The following SLC5A4 variants were observed in gnomAD, a reference collection of about 807,000 sequenced individuals.
The protein encoded by SLC5A4 is probable glucose sensor protein SLC5A4.
A neutral mutation model predicts 70.3 loss-of-function variants in SLC5A4; 55 were observed. That is an observed-to-expected ratio of 0.78 (90% confidence interval 0.63 to 0.98). The LOEUF (loss-of-function observed/expected upper bound fraction) is 0.98, where lower values mean the gene tolerates loss of function less well. Ranked by LOEUF, SLC5A4 falls within the 50% of genes least tolerant of loss-of-function variation. The probability of loss-of-function intolerance (pLI) is 0.00; values close to 1 mark genes in which losing one functional copy is unlikely to be tolerated. For synonymous variants in SLC5A4, 268 were observed against 305.7 expected, an observed-to-expected ratio of 0.88 and a Z score of 1.29; for missense variants, 735 against 839.2, an observed-to-expected ratio of 0.88 and a Z score of 1.53.
At chr22:32,350,149 G>C in the SLC5A4 span, among the ~76,000 whole-genome samples, 1 of 152,108 alleles carries the variant, frequency 6.6e-6, no homozygotes, top group African/African-American at 2.4e-5. Context: ...AGGACTCCCA[G>C]GCTGCCAGAA....
chr22:32,334,933 TAGG>T, the SLC5A4 span, among the ~76,000 whole-genome samples: 2 of 152,080 alleles, frequency 1.3e-5, no homozygotes, highest in Admixed American at 6.5e-5. Context: ...TCCACACTTG[TAGG>T]AGGAGCTGGG....
intron 2 of SLC5A4, among the ~76,000 whole-genome samples, chr22:32,252,623 C>T (rs1252586633): frequency 2.0e-5 from 3 of 152,114 alleles, no homozygotes; most frequent in East Asian, 1.9e-4. Context: ...CAGAAAAGCT[C>T]GTTGGCCCCT....
At chr22:32,301,450 GTATTT>G in the SLC5A4 span, among the ~76,000 whole-genome samples, 12 of 152,104 alleles carry the variant, frequency 7.9e-5, no homozygotes, top group Non-Finnish European at 1.2e-4. Flanking sequence ...TTTGCTGTCT[GTATTT>G]AACAAAACAG....
chr22:32,337,726 G>A, the SLC5A4 span, among the ~76,000 whole-genome samples: 1 of 152,140 alleles, frequency 6.6e-6, no homozygotes, highest in African/African-American at 2.4e-5. Context: ...AGCACGTGCT[G>A]TCAATTTCCC....
chr22:32,278,597 C>G, the SLC5A4 span, among the ~76,000 whole-genome samples: 1 of 152,068 alleles, frequency 6.6e-6, no homozygotes, highest in East Asian at 1.9e-4. Context: ...TGAAGTTTCT[C>G]TAAATCAAAC....
At chr22:32,306,920 T>TC in the SLC5A4 span, among the ~76,000 whole-genome samples, 1 of 151,918 alleles carries the variant, frequency 6.6e-6, no homozygotes, top group East Asian at 1.9e-4. Flanking sequence ...CGCTCTCTCT[T>TC]GGGCCACCAG....
chr22:32,254,674 CAT>C (rs1488062173), intron 1 of SLC5A4, among the ~76,000 whole-genome samples: 27 of 151,992 alleles, frequency 1.8e-4, no homozygotes, highest in African/African-American at 6.5e-4. Flanking sequence ...CGTGGTGGCG[CAT>C]GCCTGTAGTC....
chr22:32,220,523 G>A (rs947662639), intron 14 of SLC5A4, among the ~76,000 whole-genome samples: 15 of 152,162 alleles, frequency 9.9e-5, no homozygotes, highest in African/African-American at 2.4e-4. Context: ...GGAGCTTGGC[G>A]CATGTGGAAA....
At chr22:32,302,257 T>TGTG in the SLC5A4 span, among the ~76,000 whole-genome samples, 2 of 112,590 alleles carry the variant, frequency 1.8e-5, no homozygotes, top group African/African-American at 3.2e-5. Context: ...AGTGTTTTTT[T>TGTG]TTTTTGTGTC....
the SLC5A4 span, among the ~76,000 whole-genome samples, chr22:32,305,385 C>G: frequency 1.3e-5 from 2 of 149,784 alleles, no homozygotes; most frequent in African/African-American, 4.9e-5. Flanking sequence ...ACCTGCTGAT[C>G]TCTGATTGTG....
the SLC5A4 span, among the ~76,000 whole-genome samples, chr22:32,335,466 AGAG>A: frequency 6.6e-6 from 1 of 152,192 alleles, no homozygotes; most frequent in Admixed American, 6.5e-5. Context: ...AGACAAGAAA[AGAG>A]GATAGACTTT....
At chr22:32,326,929 C>A in the SLC5A4 span, among the ~76,000 whole-genome samples, 1 of 152,188 alleles carries the variant, frequency 6.6e-6, no homozygotes, top group Non-Finnish European at 1.5e-5. Context: ...CCTCTGGGAA[C>A]TGGAGCAGGC....
At chr22:32,240,688 C>A (rs566835084) in intron 5 of SLC5A4, among the ~76,000 whole-genome samples, 23 of 152,136 alleles carry the variant, frequency 1.5e-4, no homozygotes, top group African/African-American at 5.1e-4. Context: ...TCACCCCTAC[C>A]CTTCTCCATG....
chr22:32,312,192 G>A, the SLC5A4 span, among the ~76,000 whole-genome samples: 1 of 152,078 alleles, frequency 6.6e-6, no homozygotes, highest in Non-Finnish European at 1.5e-5. Flanking sequence ...AGTGCTCCCT[G>A]AGACACAGAG....
At chr22:32,303,333 A>G in the SLC5A4 span, among the ~76,000 whole-genome samples, 1 of 152,328 alleles carries the variant, frequency 6.6e-6, no homozygotes, top group Admixed American at 6.5e-5. Context: ...TAGGTAAGTA[A>G]GAGACAAATG....
chr22:32,341,975 A>C, the SLC5A4 span, among the ~76,000 whole-genome samples: 1 of 152,162 alleles, frequency 6.6e-6, no homozygotes, highest in Admixed American at 6.5e-5. Context: ...TTGAAATTTT[A>C]TTGTTATTAC....
chr22:32,248,609 C>T (rs773367005), intron 4 of SLC5A4, 134 bp downstream of exon 4: 3 of 684,030 alleles, frequency 4.4e-6, no homozygotes, highest in Non-Finnish European at 8.0e-6. Flanking sequence ...AGACTGAGCT[C>T]CCATCTCCTC....
rs1927411609 is a variant in SLC5A4 at position 32,255,243 on chromosome 22, G to C, written c.87C>G (p.Ile29Met). 3.1e-6 allele frequency: 5 copies of C among 1,614,036 alleles called. No individual in the cohort carries two copies. Among genetic ancestry groups the C allele is most frequent in the Non-Finnish European group, 4.2e-6 (5 of 1,179,988 alleles). ...LSDHIRNAADISVIVIYFLVV... is the reference protein window; with the variant it reads ...LSDHIRNAADMSVIVIYFLVV... ...CCAGAAAATAGATGACAATGACTGA[G>C]ATGTCAGCAGCATTTCGGATGTGGT... is the stretch of plus-strand genomic sequence containing the variant. Residue 29 changes from isoleucine to methionine, a missense_variant, in exon 1 of 15, where the codon ATC becomes ATG. Coordinates refer to ENST00000266086, the MANE Select transcript of SLC5A4 (RefSeq NM_014227.3).
At chr22:32,312,252 G>A in the SLC5A4 span, among the ~76,000 whole-genome samples, 532 of 152,088 alleles carry the variant, frequency 3.5e-3, 5 homozygotes, top group African/African-American at 0.011. Context: ...ACATTGACAC[G>A]GATGAGAACC....
Sources: gnomAD v4.1 joint callset for allele counts (sites outside exome capture counted in the v4.1 genomes callset) on GRCh38, gnomAD v4.1.1 for gene constraint, MANE v1.5 for transcripts, NCBI Gene and HGNC (gene_info 2026-07-23, HGNC 2026-07-21) for gene names.